Variants in KCNK5 observed in about 807,000 individuals in gnomAD.
The protein encoded by KCNK5 is potassium two pore domain channel subfamily K member 5, also known as potassium channel subfamily K member 5.
KCNK5 carries 18 observed loss-of-function variants against 32.9 expected under a neutral mutation model. That is an observed-to-expected ratio of 0.55 (90% CI 0.38 to 0.81). KCNK5 has a LOEUF of 0.81. KCNK5 is among the 30% of genes least tolerant of loss of function. KCNK5 has a pLI of 0.00. For synonymous variants in KCNK5, 276 were observed against 275.3 expected, an observed-to-expected ratio of 1.00 and a Z score of -0.03; for missense variants, 507 against 651.0, an observed-to-expected ratio of 0.78 and a Z score of 2.41.
intron 2 of KCNK5, 86 bp downstream of exon 2, chr6:39,195,790 G>T (rs1771019659): frequency 1.2e-6 from 1 of 862,628 alleles, no homozygotes; most frequent in Admixed American, 2.1e-5. Context: ...CCCCAACAGG[G>T]CTGAGTGACC....
intron 1 of KCNK5, among the ~76,000 whole-genome samples, chr6:39,219,070 T>C (rs1372441167): frequency 6.6e-6 from 1 of 152,182 alleles, no homozygotes; most frequent in Non-Finnish European, 1.5e-5. Flanking sequence ...CTCAAGTTCC[T>C]TGAAAGCAAA....
intron 1 of KCNK5, among the ~76,000 whole-genome samples, chr6:39,221,076 G>A (rs1283999529): frequency 1.3e-5 from 2 of 152,172 alleles, no homozygotes; most frequent in Non-Finnish European, 2.9e-5. Flanking sequence ...AGTTCACAGT[G>A]TGAGCTCTGG....
chr6:39,200,367 C>T lies in KCNK5; in HGVS notation c.187-4380G>A, dbSNP rs143097704. On this transcript the variant is annotated intron_variant, in intron 1 of 4. Coordinates refer to ENST00000359534, the MANE Select transcript of KCNK5 (RefSeq NM_003740.4). Reference sequence around the variant, plus strand: ...GTCACCATAAAGCAGCTGTGATTTACGGAGGGCTTCCTATGTGCCAAGAGT... The same window carrying T: ...GTCACCATAAAGCAGCTGTGATTTATGGAGGGCTTCCTATGTGCCAAGAGT... Among the ~76,000 whole-genome samples, 43 of 152,294 alleles carry T rather than the reference C, an allele frequency of 2.8e-4. 1 individual carries two copies. In the East Asian group the frequency reaches 7.1e-3, roughly 25 times the overall value.
Position 39,196,119 on chromosome 6 carries a change from T to C in KCNK5, c.187-132A>G, listed in dbSNP as rs1288125177. 15 of 581,072 alleles carry C rather than the reference T, an allele frequency of 2.6e-5. No individual in the cohort carries two copies. In the East Asian group the frequency reaches 4.5e-4, roughly 17 times the overall value. 36.0% of individuals were successfully genotyped at this position (581,072 alleles called of 1,614,324 possible). On this transcript the variant is annotated intron_variant, in intron 1 of 4. Transcript: ENST00000359534. ...GAAGAAGGTGGCAGTGTCTCCATGT[T>C]ACAGATGAAACATTGTATAGAGGAT...
At chr6:39,202,755 G>A (rs1771152115) in intron 1 of KCNK5, among the ~76,000 whole-genome samples, 1 of 152,082 alleles carries the variant, frequency 6.6e-6, no homozygotes, top group South Asian at 2.1e-4. Flanking sequence ...TTGGCAGCAG[G>A]GCCTCTGCAG....
chr6:39,199,341 G>A (rs1771087875), intron 1 of KCNK5, among the ~76,000 whole-genome samples: 1 of 152,238 alleles, frequency 6.6e-6, no homozygotes, highest in African/African-American at 2.4e-5. Context: ...AGGTGGAAGA[G>A]CTGGGCTTTC....
Position 39,191,676 on chromosome 6 carries a change from C to G in KCNK5, c.714G>C (p.Leu238=). ...TCACCTTCCAGTTGACAAAAAGGGA[C>G]AGCCAGGCCAGCCCCAAGTAGATCC... ...ELWIYLGLAW[L]SLFVNWKVSM... The change falls in exon 5 of 5, where the codon CTG becomes CTC. Residue 238 remains leucine (L), a synonymous_variant. Transcript: ENST00000359534. This position sits in a 1 kb window ranked among gnomAD's most constrained non-coding sequence, Gnocchi z 5.8. 1 of 1,614,006 alleles carries G rather than the reference C, an allele frequency of 6.2e-7. No homozygotes were observed. Among genetic ancestry groups the G allele is most frequent in the South Asian group, 1.1e-5 (1 of 91,076 alleles).
At chr6:39,203,197 C>T (rs1166905672) in intron 1 of KCNK5, among the ~76,000 whole-genome samples, 1 of 152,224 alleles carries the variant, frequency 6.6e-6, no homozygotes, top group Non-Finnish European at 1.5e-5. Context: ...CTGTCCCTAA[C>T]CTTCTTCACA....
chr6:39,228,423 T>G (rs1771710824), intron 1 of KCNK5, among the ~76,000 whole-genome samples: 1 of 152,028 alleles, frequency 6.6e-6, no homozygotes, highest in African/African-American at 2.4e-5. Flanking sequence ...CGGAAGATTT[T>G]GCCCAGGCTC....
At chr6:39,204,827 T>C (rs1476954824) in intron 1 of KCNK5, among the ~76,000 whole-genome samples, 1 of 152,190 alleles carries the variant, frequency 6.6e-6, no homozygotes, top group Non-Finnish European at 1.5e-5. Flanking sequence ...CAGCCTGCCC[T>C]CCTGGGCCAT....
chr6:39,191,128 G>T lies in KCNK5; in HGVS notation c.1262C>A (p.Thr421Asn). The T allele has an allele frequency of 6.2e-7, 1 of 1,614,228 alleles. No homozygotes were observed. Among genetic ancestry groups the T allele is most frequent in the East Asian group, 2.2e-5 (1 of 44,874 alleles). The change falls in exon 5 of 5, where the codon ACC (threonine) becomes AAC (asparagine). Residue 421 changes from threonine to asparagine, a missense_variant. Around this residue, in one of 6 missense-constraint regions of KCNK5, gnomAD observed 252 missense variants for 250.8 expected, o/e 1.00. Coordinates refer to ENST00000359534, the MANE Select transcript of KCNK5 (RefSeq NM_003740.4). The surrounding 1 kb of genome is among the most constrained non-coding windows in gnomAD (Gnocchi z 5.8). ...GAGGCCAGCCTCCGTGTTCACGAAG[G>T]TGATGCTGGCGTCCTGGAAGATGAG... ...HPLIFQDASI[T>N]FVNTEAGLSD... is the part of the protein sequence containing the mutation.
rs1397129047 is a variant in KCNK5, at chr6:39,218,164, A to AG, written c.186+10761dup. On this transcript the variant is annotated intron_variant, in intron 1 of 4. Transcript: ENST00000359534. ...TGGCTCACTGCCACCTCCGCCTCCC[A>AG]GGTTCAAGCGATTCTCCTGCCTCAG... Among the ~76,000 whole-genome samples, 8 of 144,386 alleles carry AG rather than the reference A, an allele frequency of 5.5e-5. No homozygotes were observed. In the East Asian group the frequency reaches 1.7e-3, roughly 30 times the overall value. 94.7% of individuals were successfully genotyped at this position (144,386 alleles called of 152,430 possible).
chr6:39,212,133 AC>A (rs1194959330), intron 1 of KCNK5, among the ~76,000 whole-genome samples: 1 of 152,112 alleles, frequency 6.6e-6, no homozygotes, highest in Admixed American at 6.6e-5. Flanking sequence ...TACAAAACAT[AC>A]AAAAATTAGC....
At chr6:39,197,988 A>C (rs1463924830) in intron 1 of KCNK5, among the ~76,000 whole-genome samples, 1 of 152,188 alleles carries the variant, frequency 6.6e-6, no homozygotes, top group Non-Finnish European at 1.5e-5. Context: ...ACAAACCTGA[A>C]CTCTTGCAAA....
At chr6:39,218,128 AGGCGCGATTTT>A (rs938717931) in intron 1 of KCNK5, among the ~76,000 whole-genome samples, 1 of 145,198 alleles carries the variant, frequency 6.9e-6, no homozygotes, top group African/African-American at 2.6e-5. Context: ...TGGAGTGTAG[AGGCGCGATTTT>A]GGCTCACTGC....
Position 39,191,225 on chromosome 6 carries a change from C to G in KCNK5, c.1165G>C (p.Glu389Gln). The G allele has an allele frequency of 6.2e-7, 1 of 1,614,180 alleles. No individual in the cohort carries two copies. Among genetic ancestry groups the G allele is most frequent in the Non-Finnish European group, 8.5e-7 (1 of 1,180,036 alleles). The change falls in exon 5 of 5, where the codon GAG becomes CAG. Residue 389 changes from glutamate (E) to glutamine (Q), a missense_variant. Glu to Gln is a conservative substitution (Grantham distance 29, BLOSUM62 2). Around this residue, in one of 6 missense-constraint regions of KCNK5, gnomAD observed 252 missense variants for 250.8 expected, o/e 1.00. Transcript: ENST00000359534. This position sits in a 1 kb window ranked among gnomAD's most constrained non-coding sequence, Gnocchi z 5.8. ...CGGTCCAGCTGGTTCATGAACACCT[C>G]GGGGGCAGGGGAGCTGTCTTCAGGG... ...RAPEDSSPAP[E>Q]VFMNQLDRIS...
intron 1 of KCNK5, among the ~76,000 whole-genome samples, chr6:39,217,312 G>A (rs1771460762): frequency 6.6e-6 from 1 of 151,970 alleles, no homozygotes; most frequent in South Asian, 2.1e-4. Context: ...AATCACTCAG[G>A]GCCACAGCCA....
At chr6:39,206,804 AAAACAAG>A (rs1771233276) in intron 1 of KCNK5, among the ~76,000 whole-genome samples, 1 of 152,200 alleles carries the variant, frequency 6.6e-6, no homozygotes, top group African/African-American at 2.4e-5. Context: ...CCGTATCTGG[AAAACAAG>A]AGTCATGGCT....
intron 1 of KCNK5, among the ~76,000 whole-genome samples, chr6:39,214,095 C>T (rs1159050856): frequency 1.3e-5 from 2 of 152,100 alleles, no homozygotes; most frequent in African/African-American, 4.8e-5. Flanking sequence ...TGACCATATG[C>T]AGCAGCTCTC....
Sources: gnomAD v4.1 joint callset for allele counts (sites outside exome capture counted in the v4.1 genomes callset) on GRCh38, gnomAD v4.1.1 for gene constraint, gnomAD v4.1.1 regional missense constraint, Gnocchi (gnomAD v3.1) non-coding constraint, MANE v1.5 for transcripts, NCBI Gene and HGNC (gene_info 2026-07-23, HGNC 2026-07-21) for gene names.